Variants in SAMD12 observed in about 807,000 individuals in gnomAD.
SAMD12 encodes sterile alpha motif domain-containing protein 12.
SAMD12 carries 9 observed loss-of-function variants against 15.0 expected under a neutral mutation model. That is an observed-to-expected ratio of 0.60 (90% CI 0.36 to 1.05). SAMD12 has a LOEUF of 1.05. SAMD12 is among the 50% of genes least tolerant of loss of function. SAMD12 has a pLI of 0.01. For synonymous variants in SAMD12, 86 were observed against 90.1 expected (o/e 0.96, Z 0.25); for missense variants, 230 against 234.2 (o/e 0.98, Z 0.12).
intron 4 of SAMD12, among the ~76,000 whole-genome samples, chr8:118,255,922 A>G (rs1337861119): frequency 6.6e-6 from 1 of 152,060 alleles, no homozygotes; most frequent in African/African-American, 2.4e-5. Context: ...TCCCTGAGGA[A>G]TCTCCACACT....
chr8:118,539,105 G>A (rs566353503), intron 2 of SAMD12, among the ~76,000 whole-genome samples: 1 of 152,224 alleles, frequency 6.6e-6, no homozygotes, highest in East Asian at 1.9e-4. Flanking sequence ...CAGCACAAAC[G>A]GCCTAAAAAT....
rs898909975 is a variant in SAMD12 at position 118,389,640 on chromosome 8, G to A, written c.323-9940C>T. On this transcript the variant is annotated intron_variant, in intron 3 of 3. Transcript: ENST00000314727. ...TGAGGCAGGAGAATCACTTGAACCC[G>A]GGAGGAGGAGGTTATAGTGAGCCGA... Among the ~76,000 whole-genome samples, 159 of 151,976 alleles carry A rather than the reference G, an allele frequency of 1.0e-3. 1 individual carries two copies. The highest frequency in any genetic ancestry group is 8.8e-4 in the Non-Finnish European group (60 of 68,004).
chr8:118,398,799 T>C (rs1176438451), intron 3 of SAMD12, among the ~76,000 whole-genome samples: 1 of 152,212 alleles, frequency 6.6e-6, no homozygotes, highest in African/African-American at 2.4e-5. Context: ...ACAGGTATAT[T>C]CATAGGTCAA....
intron 4 of SAMD12, among the ~76,000 whole-genome samples, chr8:118,370,085 C>T (rs1819003876): frequency 6.6e-6 from 1 of 151,946 alleles, no homozygotes; most frequent in Non-Finnish European, 1.5e-5. Context: ...AACAAACTTA[C>T]AAGAAGAAAA....
intron 3 of SAMD12, among the ~76,000 whole-genome samples, chr8:118,429,198 T>C (rs1352097972): frequency 6.6e-6 from 1 of 152,226 alleles, no homozygotes; most frequent in Non-Finnish European, 1.5e-5. Context: ...CACTAAGTTA[T>C]ATTATTAGTT....
At chr8:118,395,604 G>A (rs373624026) in intron 3 of SAMD12, among the ~76,000 whole-genome samples, 20 of 152,088 alleles carry the variant, frequency 1.3e-4, no homozygotes, top group East Asian at 7.7e-4. Context: ...CACTTTGTTC[G>A]CTGTGGGTAC....
the SAMD12 span, among the ~76,000 whole-genome samples, chr8:118,153,926 T>C: frequency 1.3e-5 from 2 of 152,158 alleles, no homozygotes; most frequent in Non-Finnish European, 2.9e-5. Context: ...ACTCTACATC[T>C]GAAATGAATT....
chr8:118,391,059 C>T (rs1239350325), intron 3 of SAMD12, among the ~76,000 whole-genome samples: 1 of 152,100 alleles, frequency 6.6e-6, no homozygotes. Flanking sequence ...ATACACAGCT[C>T]ACACACAGTA....
chr8:118,403,521 A>G (rs996939942), intron 3 of SAMD12, among the ~76,000 whole-genome samples: 2 of 152,166 alleles, frequency 1.3e-5, no homozygotes, highest in African/African-American at 4.8e-5. Context: ...AAAAAAAATT[A>G]TAGTAGTATT....
chr8:118,474,986 C>T (rs1292038441), intron 2 of SAMD12, among the ~76,000 whole-genome samples: 1 of 152,148 alleles, frequency 6.6e-6, no homozygotes, highest in Non-Finnish European at 1.5e-5. Flanking sequence ...CACCTGTAAT[C>T]CCAGCAATTT....
At chr8:118,456,608 A>G (rs905508893) in intron 2 of SAMD12, among the ~76,000 whole-genome samples, 1 of 152,204 alleles carries the variant, frequency 6.6e-6, no homozygotes, top group African/African-American at 2.4e-5. Context: ...TTTATAGTAG[A>G]GCAGGGTTTT....
chr8:118,374,632 T>A (rs1185766210), downstream of SAMD12, among the ~76,000 whole-genome samples: 1 of 152,104 alleles, frequency 6.6e-6, no homozygotes, highest in Non-Finnish European at 1.5e-5. Flanking sequence ...TCTACATTCT[T>A]GCCAACACTA....
chr8:118,399,201 CTTT>C (rs10535786), intron 3 of SAMD12, among the ~76,000 whole-genome samples: 176 of 147,454 alleles, frequency 1.2e-3, no homozygotes, highest in Non-Finnish European at 2.1e-3. Flanking sequence ...TTTTTTTTTT[CTTT>C]TTTTTTTTTT....
chr8:118,466,210 T>C (rs192460760), intron 2 of SAMD12, among the ~76,000 whole-genome samples: 25 of 152,262 alleles, frequency 1.6e-4, no homozygotes, highest in Non-Finnish European at 2.5e-4. Context: ...CAATAGCCTA[T>C]AGAACAAGGA....
chr8:118,436,353 G>C (rs766057634), intron 3 of SAMD12, among the ~76,000 whole-genome samples: 1 of 152,132 alleles, frequency 6.6e-6, no homozygotes, highest in Non-Finnish European at 1.5e-5. Flanking sequence ...AGAAACTAAC[G>C]TGTGGCATTA....
At chr8:118,611,957 C>A (rs1461616942) in intron 1 of SAMD12, among the ~76,000 whole-genome samples, 4 of 152,158 alleles carry the variant, frequency 2.6e-5, no homozygotes, top group African/African-American at 9.7e-5. Context: ...GAACCAAGCA[C>A]TACTCCCATT....
chr8:118,335,829 C>T (rs1817028841), intron 4 of SAMD12, among the ~76,000 whole-genome samples: 1 of 152,132 alleles, frequency 6.6e-6, no homozygotes, highest in African/African-American at 2.4e-5. Context: ...GCAGCCTCGA[C>T]CTGCTTGGCT....
the SAMD12 span, among the ~76,000 whole-genome samples, chr8:118,177,566 G>A: frequency 6.6e-6 from 1 of 152,108 alleles, no homozygotes; most frequent in Non-Finnish European, 1.5e-5. Flanking sequence ...TAACGCCTGG[G>A]AAGGAAGCTA....
intron 2 of SAMD12, among the ~76,000 whole-genome samples, chr8:118,460,120 T>G (rs139875752): frequency 1.7e-3 from 260 of 152,328 alleles, no homozygotes; most frequent in African/African-American, 5.9e-3. Context: ...TGAATTCTAA[T>G]ACAGTATTGT....
Sources: gnomAD v4.1 joint callset for allele counts (sites outside exome capture counted in the v4.1 genomes callset) on GRCh38, gnomAD v4.1.1 for gene constraint, MANE v1.5 for transcripts, NCBI Gene and HGNC (gene_info 2026-07-23, HGNC 2026-07-21) for gene names.